FHAD1: variants seen among roughly 807,000 people sequenced by gnomAD.
FHAD1 encodes forkhead associated phosphopeptide binding domain 1.
A neutral mutation model predicts 191.3 loss-of-function variants in FHAD1; 146 were observed. That is an observed-to-expected ratio of 0.76 (90% CI 0.67 to 0.88). The LOEUF is 0.88. Ranked by LOEUF, FHAD1 falls within the 40% of genes least tolerant of loss-of-function variation. The pLI, the probability that FHAD1 is intolerant of heterozygous loss-of-function variation, is 0.00. For synonymous variants in FHAD1, 616 were observed against 672.3 expected, an observed-to-expected ratio of 0.92 and a Z score of 1.29; for missense variants, 1,635 against 1,785.8, an observed-to-expected ratio of 0.92 and a Z score of 1.52.
intron 10 of FHAD1, 30 bp downstream of exon 10, chr1:15,317,958 G>C: frequency 1.4e-6 from 2 of 1,394,642 alleles, no homozygotes; most frequent in South Asian, 2.5e-5. Context: ...CCCAGAGAGT[G>C]GTGTGGGCGG....
rs1570729189 is a variant in FHAD1, at chr1:15,398,208, T to G, written c.*795T>G. On this transcript the variant is annotated 3_prime_UTR_variant, in exon 34 of 34. Transcript: ENST00000688493. The stretch of plus-strand genomic sequence containing the variant: ...AGGAGAATCACTTCAACCCGGGAGG[T>G]GATGATTGCAGGGAGCCAAGATCAC... 1 of 138,854 alleles carries G rather than the reference T, an allele frequency of 7.2e-6. No individual in the cohort carries two copies. The highest frequency in any genetic ancestry group is 2.7e-5 in the African/African-American group (1 of 36,694). The allele number at this position is 138,854 out of a possible 1,614,324, so 8.6% of individuals were successfully genotyped here.
At chr1:15,391,978 T>TGGCTGA (rs1038978529) in intron 33 of FHAD1, among the ~76,000 whole-genome samples, 1 of 152,198 alleles carries the variant, frequency 6.6e-6, no homozygotes, top group African/African-American at 2.4e-5. Context: ...TGCCAGTTAT[T>TGGCTGA]GGCTGAGAAT....
At chr1:15,280,117 G>T (rs1473862648) in intron 3 of FHAD1, among the ~76,000 whole-genome samples, 1 of 152,288 alleles carries the variant, frequency 6.6e-6, no homozygotes, top group East Asian at 1.9e-4. Flanking sequence ...AGGGAAGGTG[G>T]CAGTTCCCAT....
intron 28 of FHAD1, among the ~76,000 whole-genome samples, chr1:15,376,742 ATTATT>A (rs1484105434): frequency 1.3e-5 from 2 of 152,236 alleles, no homozygotes; most frequent in Non-Finnish European, 2.9e-5. Flanking sequence ...TATTATTAAA[ATTATT>A]TAAATAGGCC....
At chr1:15,399,280 T>G (rs909765732), downstream of FHAD1, among the ~76,000 whole-genome samples, 13 of 152,122 alleles carry the variant, frequency 8.5e-5, no homozygotes, top group Admixed American at 7.2e-4. Flanking sequence ...CTAAAGCCAG[T>G]GAGAGGCCAG....
rs1204261575 is a variant in FHAD1, at chr1:15,382,017, T to G, written c.4023-11T>G. ...AGGGAAAAACAGACGCCATCTCTCC[T>G]GTGCACCCAGGCGGAGCAAAGTGTC... is the stretch of plus-strand genomic sequence containing the variant. On this transcript the variant is annotated splice_polypyrimidine_tract_variant and intron_variant, in intron 30 of 33. Coordinates refer to ENST00000688493, the MANE Select transcript of FHAD1 (RefSeq NM_001391957.1). 6.4e-7 allele frequency: 1 copy of G among 1,551,754 alleles called. No homozygotes were observed.
intron 3 of FHAD1, among the ~76,000 whole-genome samples, chr1:15,278,475 C>CTTTTTTTTTTTTTTTTTTTT (rs34110532): frequency 1.6e-5 from 2 of 124,332 alleles, no homozygotes; most frequent in African/African-American, 6.5e-5. Flanking sequence ...TTCATTACCT[C>CTTTTTTTTTTTTTTTTTTTT]TTTTTTTTTT....
chr1:15,310,578 G>T lies in FHAD1; in HGVS notation c.1039+1842G>T, dbSNP rs945280686. Among the ~76,000 whole-genome samples the T allele has an allele frequency of 5.3e-5, 8 of 152,164 alleles. No individual in the cohort carries two copies. The East Asian group carries it at 1.2e-3, about 22-fold the overall frequency. ...GCTACACTCTCACGGCCCCAAGTGT[G>T]GTCCCTGGACCAGCAGCATCAGCAT... is the stretch of plus-strand genomic sequence containing the variant. On this transcript the variant is annotated intron_variant, in intron 7 of 33. Transcript: ENST00000688493.
intron 20 of FHAD1, 189 bp from the exon 21 acceptor site, chr1:15,357,921 G>A (rs1007692758): frequency 1.6e-5 from 8 of 515,594 alleles, no homozygotes; most frequent in South Asian, 3.2e-5. Flanking sequence ...ACAGATCTCC[G>A]CTGAATATAA....
At chr1:15,332,842 C>T (rs376100161) in intron 14 of FHAD1, among the ~76,000 whole-genome samples, 2 of 152,202 alleles carry the variant, frequency 1.3e-5, no homozygotes, top group African/African-American at 4.8e-5. Context: ...TTCATGGAGT[C>T]GTGAGATTTG....
At chr1:15,243,151 A>G (rs1215814272), upstream of FHAD1, among the ~76,000 whole-genome samples, 5 of 152,220 alleles carry the variant, frequency 3.3e-5, 1 homozygote, top group South Asian at 4.1e-4. Flanking sequence ...ACATGAGACG[A>G]AGCTCCATAT....
chr1:15,402,214 T>G (rs1707144626), downstream of FHAD1, among the ~76,000 whole-genome samples: 1 of 152,246 alleles, frequency 6.6e-6, no homozygotes, highest in Non-Finnish European at 1.5e-5. Context: ...ACCGTGTTAG[T>G]TAGACCTCAT....
chr1:15,365,681 A>T, intron 23 of FHAD1, 146 bp from the exon 24 acceptor site: 292 of 437,774 alleles, frequency 6.7e-4, no homozygotes, highest in Middle Eastern at 2.6e-3. Flanking sequence ...AGAGTTTTTG[A>T]AGACTGTCCT....
At chr1:15,389,644 C>T (rs1050802925) in intron 32 of FHAD1, among the ~76,000 whole-genome samples, 3 of 152,054 alleles carry the variant, frequency 2.0e-5, no homozygotes, top group African/African-American at 4.8e-5. Context: ...CACGATTCTT[C>T]GCAGACTGTT....
chr1:15,375,853 A>G (rs1037333721), intron 28 of FHAD1, 123 bp downstream of exon 28: 8 of 1,123,716 alleles, frequency 7.1e-6, no homozygotes, highest in Non-Finnish European at 9.7e-6. Context: ...GCTGCTGTCT[A>G]TACTCACTAG....
At chr1:15,257,619 T>A (rs1489667970) in intron 2 of FHAD1, among the ~76,000 whole-genome samples, 1 of 152,192 alleles carries the variant, frequency 6.6e-6, no homozygotes, top group African/African-American at 2.4e-5. Flanking sequence ...TCGTCAGTCC[T>A]CAGGGAACTC....
chr1:15,275,565 A>G (rs1658036872), intron 3 of FHAD1, among the ~76,000 whole-genome samples: 1 of 152,144 alleles, frequency 6.6e-6, no homozygotes, highest in African/African-American at 2.4e-5. Flanking sequence ...GCTTCCTCTT[A>G]GTGACAAAGG....
Position 15,276,461 on chromosome 1 carries a change from G to A in FHAD1, c.300+3932G>A, listed in dbSNP as rs114175678. 0.014 allele frequency among the ~76,000 whole-genome samples: 2,116 copies of A among 152,298 alleles called. 22 individuals carry two copies. Among genetic ancestry groups the A allele is most frequent in the Non-Finnish European group, 0.023 (1,551 of 68,030 alleles). Reference sequence around the variant, plus strand: ...GTTTACAAAGTACATTGGCACCCACGATATGCTTAAGAGTACACGTTATAT... The same window carrying A: ...GTTTACAAAGTACATTGGCACCCACAATATGCTTAAGAGTACACGTTATAT... On this transcript the variant is annotated intron_variant, in intron 3 of 33. Coordinates refer to ENST00000688493, the MANE Select transcript of FHAD1 (RefSeq NM_001391957.1). The surrounding 1 kb of genome is among the most constrained non-coding windows in gnomAD (Gnocchi z 4.7).
intron 11 of FHAD1, 173 bp downstream of exon 11, chr1:15,324,732 C>G: frequency 1.6e-6 from 1 of 610,688 alleles, no homozygotes; most frequent in South Asian, 1.9e-5. Flanking sequence ...CCATGGACAT[C>G]GCTTAACAGG....
Sources: gnomAD v4.1 joint callset for allele counts (sites outside exome capture counted in the v4.1 genomes callset) on GRCh38, gnomAD v4.1.1 for gene constraint, Gnocchi (gnomAD v3.1) non-coding constraint, MANE v1.5 for transcripts, NCBI Gene and HGNC (gene_info 2026-07-23, HGNC 2026-07-21) for gene names.